DMXL1: variants seen among roughly 807,000 people sequenced by gnomAD.
The protein encoded by DMXL1 is dmX-like protein 1.
Under a neutral mutation model 319.2 loss-of-function variants are expected in DMXL1, and 99 were observed. The ratio of observed to expected loss-of-function variants is 0.31; its 90% CI spans 0.26 to 0.37. The LOEUF (loss-of-function observed/expected upper bound fraction) is 0.37. Ranked by LOEUF, DMXL1 falls within the 10% of genes least tolerant of loss-of-function variation. The pLI is 1.00. For missense variants in DMXL1, 3,745 were observed against 3,595.6 expected (o/e 1.04, Z -1.06); for synonymous variants, 1,385 against 1,235.2 (o/e 1.12, Z -2.54).
At chr5:119,169,878 A>G (rs1774200818) in intron 23 of DMXL1, among the ~76,000 whole-genome samples, 1 of 152,198 alleles carries the variant, frequency 6.6e-6, no homozygotes, top group South Asian at 2.1e-4. Context: ...GACTGAGGAG[A>G]AGTGTTCAGG....
intron 19 of DMXL1, among the ~76,000 whole-genome samples, chr5:119,164,094 A>ATTTTT (rs758912398): frequency 6.8e-6 from 1 of 147,194 alleles, no homozygotes; most frequent in African/African-American, 2.5e-5. Flanking sequence ...TGCTTGCTTG[A>ATTTTT]TGTTTTTTTT....
intron 1 of DMXL1, among the ~76,000 whole-genome samples, chr5:119,095,518 T>C (rs970404394): frequency 1.3e-5 from 2 of 152,212 alleles, no homozygotes; most frequent in African/African-American, 4.8e-5. Context: ...TATCTGAAAT[T>C]AGGTAGATAA....
intron 19 of DMXL1, among the ~76,000 whole-genome samples, chr5:119,163,725 A>T (rs1772771481): frequency 6.6e-6 from 1 of 152,204 alleles, no homozygotes; most frequent in Admixed American, 6.5e-5. Context: ...AGTAGCTGGG[A>T]CTACCATGCC....
chr5:119,149,852 C>T lies in DMXL1; in HGVS notation c.4025C>T (p.Ala1342Val), dbSNP rs1769377146. The change falls in exon 18 of 44, where the codon GCC (alanine) becomes GTC (valine). Residue 1342 changes from alanine (A) to valine (V), a missense_variant. By Grantham distance (64) the Ala-to-Val change is moderately conservative. Coordinates refer to ENST00000539542, the MANE Select transcript of DMXL1 (RefSeq NM_001290321.3). Reference sequence around the variant, plus strand: ...ATGGATCTTGGTAAAGTTCGGAGAGCCAAGGCCATCTTGTCCCATCTTGTT... The same window carrying T: ...ATGGATCTTGGTAAAGTTCGGAGAGTCAAGGCCATCTTGTCCCATCTTGTT... ...ELMDLGKVRR[A>V]KAILSHLVKC... The T allele has an allele frequency of 6.2e-7, 1 of 1,613,854 alleles. No homozygotes were observed. Among genetic ancestry groups the T allele is most frequent in the South Asian group, 1.1e-5 (1 of 91,062 alleles).
chr5:119,175,164 T>TTTCA (rs1358999245), intron 25 of DMXL1, 97 bp from the exon 26 acceptor site: 2 of 855,918 alleles, frequency 2.3e-6, no homozygotes, highest in African/African-American at 3.5e-5. Flanking sequence ...TCAAAAATTT[T>TTTCA]TTCATTCTTT....
chr5:119,176,223 A>G (rs1309104657), intron 26 of DMXL1, among the ~76,000 whole-genome samples: 1 of 152,044 alleles, frequency 6.6e-6, no homozygotes, highest in East Asian at 1.9e-4. Flanking sequence ...TGATTAAAAA[A>G]AATTATTTTG....
intron 1 of DMXL1, among the ~76,000 whole-genome samples, chr5:119,090,693 G>A (rs1422877681): frequency 6.6e-6 from 1 of 151,492 alleles, no homozygotes; most frequent in Non-Finnish European, 1.5e-5. Flanking sequence ...CTCCCAAGTA[G>A]CTGGGATTAC....
chr5:119,129,454 G>A (rs1190667998), intron 10 of DMXL1, 31 bp downstream of exon 10: 2 of 1,519,558 alleles, frequency 1.3e-6, no homozygotes, highest in Admixed American at 2.1e-5. Flanking sequence ...AAAATTTAAA[G>A]TTTTGCTCAA....
rs997626183 is a variant in DMXL1 at position 119,233,241 on chromosome 5, A to G, written c.8339-99A>G. 12 of 1,199,716 alleles carry G rather than the reference A, an allele frequency of 1.0e-5. No individual in the cohort carries two copies. In the African/African-American group the frequency reaches 1.8e-4, roughly 18 times the overall value. The allele number at this position is 1,199,716 out of a possible 1,614,324, so 74.3% of individuals were successfully genotyped here. ...AAGGTAAATTTATATAAGTTGATTT[A>G]GATGTTTCTTTCATAAAGATTTTCA... On this transcript the variant is annotated intron_variant, in intron 38 of 43. Transcript: ENST00000539542.
chr5:119,110,433 C>CT lies in DMXL1; in HGVS notation c.497+151dup, dbSNP rs1247935269. On this transcript the variant is annotated intron_variant, in intron 5 of 43. Transcript: ENST00000539542. ...CTTTTTCTTATACACAGATAATTCT[C>CT]TATTTCCCGTGTTCTACAAATACAT... is the stretch of plus-strand genomic sequence containing the variant. The CT allele has an allele frequency of 1.4e-5, 9 of 646,478 alleles. No homozygotes were observed. The South Asian group carries it at 3.5e-4, about 25-fold the overall frequency. The allele number at this position is 646,478 out of a possible 1,614,324, so 40.0% of individuals were successfully genotyped here.
intron 1 of DMXL1, among the ~76,000 whole-genome samples, chr5:119,073,230 G>C (rs904925292): frequency 1.3e-5 from 2 of 152,108 alleles, no homozygotes; most frequent in African/African-American, 4.8e-5. Context: ...GGCTGGCTAA[G>C]TTTTCTATTT....
chr5:119,195,403 A>G (rs1779438256), intron 30 of DMXL1, among the ~76,000 whole-genome samples: 1 of 152,236 alleles, frequency 6.6e-6, no homozygotes, highest in African/African-American at 2.4e-5. Flanking sequence ...TCAACGGAGT[A>G]TTATTCAGCC....
chr5:119,090,704 C>T (rs961049283), intron 1 of DMXL1, among the ~76,000 whole-genome samples: 3 of 151,484 alleles, frequency 2.0e-5, no homozygotes, highest in East Asian at 1.9e-4. Flanking sequence ...CTGGGATTAC[C>T]GGCGCCTGCT....
Position 119,123,440 on chromosome 5 carries a change from G to T in DMXL1, c.1102+2301G>T, listed in dbSNP as rs1216545957. ...GGAGGGAGAGGGAGAGGAGGGAGAGGGAGAGGAGGGAGAGGAGGAGAGGTA... is the reference window on the plus strand; with the variant it reads ...GGAGGGAGAGGGAGAGGAGGGAGAGTGAGAGGAGGGAGAGGAGGAGAGGTA... On this transcript the variant is annotated intron_variant, in intron 9 of 43. Transcript: ENST00000539542. Among the ~76,000 whole-genome samples, 11 of 143,054 alleles carry T rather than the reference G, an allele frequency of 7.7e-5. No homozygotes were observed. In the East Asian group the frequency reaches 2.3e-3, roughly 30 times the overall value. 93.8% of individuals were successfully genotyped at this position (143,054 alleles called of 152,430 possible). A position where few individuals can be genotyped will look rare whatever the true frequency, so the allele number is the denominator to read the frequency against.
intron 9 of DMXL1, 90 bp from the exon 10 acceptor site, chr5:119,129,121 A>G (rs116491457): frequency 0.013 from 10,131 of 778,448 alleles, 151 homozygotes; most frequent in South Asian, 0.042. Flanking sequence ...CAAACAAAAT[A>G]TAAATGTAAT....
intron 18 of DMXL1, 43 bp downstream of exon 18, chr5:119,150,464 A>G (rs749032630): frequency 6.5e-7 from 1 of 1,532,878 alleles, no homozygotes; most frequent in East Asian, 2.3e-5. Context: ...ACTTACTTTC[A>G]CAGAAAATAA....
chr5:119,173,774 G>GTA (rs1306952541), intron 25 of DMXL1, among the ~76,000 whole-genome samples: 1 of 33,662 alleles, frequency 3.0e-5, no homozygotes. Context: ...ATATGTGTGT[G>GTA]TGTATATATA....
chr5:119,101,003 G>C (rs900768201), intron 2 of DMXL1, among the ~76,000 whole-genome samples: 1 of 151,732 alleles, frequency 6.6e-6, no homozygotes, highest in Admixed American at 6.6e-5. Flanking sequence ...GGATGGACTC[G>C]ATCTCCTGAC....
At chr5:119,101,032 C>T (rs957769679) in intron 2 of DMXL1, among the ~76,000 whole-genome samples, 1 of 152,038 alleles carries the variant, frequency 6.6e-6, no homozygotes, top group Non-Finnish European at 1.5e-5. Context: ...CCTCCCGCCT[C>T]GGCCTCCCAA....
Sources: gnomAD v4.1 joint callset for allele counts (sites outside exome capture counted in the v4.1 genomes callset) on GRCh38, gnomAD v4.1.1 for gene constraint, MANE v1.5 for transcripts, NCBI Gene and HGNC (gene_info 2026-07-23, HGNC 2026-07-21) for gene names.